Variants in SSBP4 observed in about 807,000 individuals in gnomAD.
The protein encoded by SSBP4 is single-stranded DNA-binding protein 4.
A neutral mutation model predicts 64.6 loss-of-function variants in SSBP4; 33 were observed. The observed-to-expected ratio is 0.51, with a 90% CI of 0.39 to 0.68. The LOEUF is 0.68. Among genes scored for constraint, SSBP4 ranks in the 30% least tolerant of loss-of-function variants. The pLI is 0.00. For synonymous variants in SSBP4, 243 were observed against 224.0 expected (o/e 1.08, Z -0.76); for missense variants, 583 against 566.8 (o/e 1.03, Z -0.29).
At position 18,434,336 on chromosome 19, in the gene SSBP4, C is replaced by T. The variant is rs1238131315; in HGVS notation, c.*90C>T. The stretch of plus-strand genomic sequence containing the variant: ...AGGGGCTGAGGTCACACCTCGGGCA[C>T]CTGGACTCCTGGCCAATCAAGGCTT... On this transcript the variant is annotated 3_prime_UTR_variant, in exon 18 of 18. Coordinates refer to ENST00000270061, the MANE Select transcript of SSBP4 (RefSeq NM_032627.5). The T allele has an allele frequency of 5.8e-6, 9 of 1,546,054 alleles. No individual in the cohort carries two copies. The African/African-American group carries it at 1.1e-4, about 19-fold the overall frequency.
chr19:18,433,273 G>A, intron 15 of SSBP4, 60 bp downstream of exon 15: 2 of 1,522,880 alleles, frequency 1.3e-6, no homozygotes, highest in South Asian at 2.4e-5. Context: ...CTCCCTGGCT[G>A]CTTCCCCCTG....
upstream of SSBP4, among the ~76,000 whole-genome samples, chr19:18,416,284 G>T (rs576589463): frequency 6.6e-6 from 1 of 152,170 alleles, no homozygotes; most frequent in South Asian, 2.1e-4. Flanking sequence ...CAAAGTGCTG[G>T]GATTACAGGC....
chr19:18,419,026 T>C (rs768980662), upstream of SSBP4: 1 of 985,498 alleles, frequency 1.0e-6, no homozygotes. Context: ...TGAGGCTTTA[T>C]GGGGCTATCC....
chr19:18,404,630 C>A, the SSBP4 span, among the ~76,000 whole-genome samples: 9,436 of 146,608 alleles, frequency 0.064, 328 homozygotes, highest in Middle Eastern at 0.15. Flanking sequence ...GGGTGGCTCA[C>A]GCCTGTAATC....
the SSBP4 span, among the ~76,000 whole-genome samples, chr19:18,404,287 TTTCAGAGACA>T: frequency 1.3e-5 from 2 of 151,754 alleles, no homozygotes; most frequent in African/African-American, 4.9e-5. Flanking sequence ...CCCCAGAGAC[TTTCAGAGACA>T]TTCAGAGACA....
chr19:18,433,876 C>T (rs1200391287), intron 17 of SSBP4, 59 bp downstream of exon 17: 1 of 1,296,418 alleles, frequency 7.7e-7, no homozygotes, highest in Non-Finnish European at 9.7e-7. Flanking sequence ...GGCTGGCGGG[C>T]AGGCCCCGGC....
rs186040897 is a variant in SSBP4, at chr19:18,432,468, G to T, written c.705-91G>T. 2.8e-5 allele frequency: 42 copies of T among 1,494,572 alleles called. No individual in the cohort carries two copies. The African/African-American group carries it at 4.9e-4, about 17-fold the overall frequency. The allele number at this position is 1,494,572 out of a possible 1,614,324, so 92.6% of individuals were successfully genotyped here. A position where few individuals can be genotyped will look rare whatever the true frequency, so the allele number is the denominator to read the frequency against. On this transcript the variant is annotated intron_variant, in intron 10 of 17. Coordinates refer to ENST00000270061, the MANE Select transcript of SSBP4 (RefSeq NM_032627.5). ...TCTGCTGCTCTGTGGTCGGTCTGGG[G>T]ATACAGTGGAGCAGGGTGTGGGGGG...
the SSBP4 span, among the ~76,000 whole-genome samples, chr19:18,404,808 C>T: frequency 6.9e-6 from 1 of 144,978 alleles, no homozygotes; most frequent in African/African-American, 2.6e-5. Context: ...AGGAGAATAG[C>T]GTGAACCTGG....
In SSBP4 at chr19:18,427,298, G is replaced by A; in HGVS notation, c.60-53G>A. Reference sequence around the variant, plus strand: ...TCCTGAGAGATGGAGGGGCTTTGGGGTGGGCCCTTGCCTTGGAGAGTCTGA... The same window carrying A: ...TCCTGAGAGATGGAGGGGCTTTGGGATGGGCCCTTGCCTTGGAGAGTCTGA... On this transcript the variant is annotated intron_variant, in intron 1 of 17. Coordinates refer to ENST00000270061, the MANE Select transcript of SSBP4 (RefSeq NM_032627.5). This position sits in a 1 kb window ranked among gnomAD's most constrained non-coding sequence, Gnocchi z 4.4. The A allele has an allele frequency of 6.3e-7, 1 of 1,587,330 alleles. No homozygotes were observed. The highest frequency in any genetic ancestry group is 8.6e-7 in the Non-Finnish European group (1 of 1,167,530).
chr19:18,413,873 C>T (rs554384790), upstream of SSBP4, among the ~76,000 whole-genome samples: 39 of 152,234 alleles, frequency 2.6e-4, no homozygotes, highest in Admixed American at 2.6e-3. Context: ...AAAAATTAGC[C>T]AGGTGTGGTG....
At position 18,423,976 on chromosome 19, in the gene SSBP4, C is replaced by T. The variant is rs1265816853; in HGVS notation, c.60-3375C>T. Among the ~76,000 whole-genome samples, 7 of 152,218 alleles carry T rather than the reference C, an allele frequency of 4.6e-5. No individual in the cohort carries two copies. Among genetic ancestry groups the T allele is most frequent in the Non-Finnish European group, 7.3e-5 (5 of 68,038 alleles). ...CGGTGGCGCCCCCAGACCTGGCCCC[C>T]GGAGCAGTCCTCTGGGAGGGGAGGA... On this transcript the variant is annotated intron_variant, in intron 1 of 17. Transcript: ENST00000270061. This position sits in a 1 kb window ranked among gnomAD's most constrained non-coding sequence, Gnocchi z 4.0.
At chr19:18,406,456 C>T in the SSBP4 span, among the ~76,000 whole-genome samples, 1 of 151,906 alleles carries the variant, frequency 6.6e-6, no homozygotes, top group African/African-American at 2.4e-5. Context: ...GCTGGGATTA[C>T]AGGTGTGAGC....
chr19:18,428,380 C>T (rs376122554), intron 4 of SSBP4, among the ~76,000 whole-genome samples: 21 of 152,284 alleles, frequency 1.4e-4, no homozygotes, highest in East Asian at 5.8e-4. Context: ...CTCCTCTGAG[C>T]GGGGAGCACA....
At chr19:18,417,646 T>G (rs962859591), upstream of SSBP4, among the ~76,000 whole-genome samples, 3 of 152,082 alleles carry the variant, frequency 2.0e-5, no homozygotes, top group Admixed American at 1.3e-4. The surrounding 1 kb of genome is among the most constrained non-coding windows in gnomAD (Gnocchi z 5.4). Flanking sequence ...CCTGCGGAAT[T>G]GTGCGGGCCC....
chr19:18,433,901 G>C (rs1400479637), intron 17 of SSBP4, 84 bp downstream of exon 17: 14 of 1,283,632 alleles, frequency 1.1e-5, no homozygotes, highest in African/African-American at 1.6e-5. Flanking sequence ...CGGCCGGGGG[G>C]CCAGAGCAAG....
At chr19:18,416,649 G>A (rs1972132821), upstream of SSBP4, among the ~76,000 whole-genome samples, 1 of 152,090 alleles carries the variant, frequency 6.6e-6, no homozygotes, top group Non-Finnish European at 1.5e-5. Flanking sequence ...ACCCTGCCCC[G>A]GCCACGGCTG....
rs937856181 is a variant in SSBP4, at chr19:18,426,269, G to T, written c.60-1082G>T. 6.6e-6 allele frequency among the ~76,000 whole-genome samples: 1 copy of T among 152,186 alleles called. No homozygotes were observed. The highest frequency in any genetic ancestry group is 2.4e-5 in the African/African-American group (1 of 41,426). On this transcript the variant is annotated intron_variant, in intron 1 of 17. Coordinates refer to ENST00000270061, the MANE Select transcript of SSBP4 (RefSeq NM_032627.5). The surrounding 1 kb of genome is among the most constrained non-coding windows in gnomAD (Gnocchi z 4.5). ...GATGGGGCCCGCAGCCAGAGAGGGC[G>T]GCGCAGCTGAGCTGGAGGCGGCTGT... is the stretch of plus-strand genomic sequence containing the variant.
chr19:18,417,659 C>T (rs1296280991), upstream of SSBP4, among the ~76,000 whole-genome samples: 1 of 152,164 alleles, frequency 6.6e-6, no homozygotes, highest in Non-Finnish European at 1.5e-5. The surrounding 1 kb of genome is among the most constrained non-coding windows in gnomAD (Gnocchi z 5.4). Flanking sequence ...GCGGGCCCCT[C>T]CTACCCCGCC....
At chr19:18,404,037 AC>A in the SSBP4 span, among the ~76,000 whole-genome samples, 1 of 151,842 alleles carries the variant, frequency 6.6e-6, no homozygotes, top group South Asian at 2.1e-4. Context: ...ACAGAGAGAC[AC>A]CAGCCCGCCC....
Sources: allele counts gnomAD v4.1 joint callset (sites outside exome capture counted in the v4.1 genomes callset), GRCh38; gene constraint gnomAD v4.1.1; non-coding constraint Gnocchi (gnomAD v3.1); transcripts MANE v1.5; gene names NCBI Gene and HGNC (gene_info 2026-07-23, HGNC 2026-07-21).